Variants in DHRSX observed in about 807,000 individuals in gnomAD.
The protein encoded by DHRSX is dehydrogenase/reductase X-linked, also known as polyprenol dehydrogenase.
Under a neutral mutation model 34.0 loss-of-function variants are expected in DHRSX, and 31 were observed. The ratio of observed to expected loss-of-function variants is 0.91; its 90% confidence interval spans 0.69 to 1.23. The LOEUF (loss-of-function observed/expected upper bound fraction) is 1.23. Ranked by LOEUF, DHRSX falls within the 50% of genes most tolerant of loss-of-function variation. The pLI is 0.00. For synonymous variants in DHRSX, 201 were observed against 183.8 expected, an observed-to-expected ratio of 1.09 and a Z score of -0.76; for missense variants, 414 against 428.1, an observed-to-expected ratio of 0.97 and a Z score of 0.29.
chrX:2,445,017 C>G (rs1416361549), intron 1 of DHRSX, among the ~76,000 whole-genome samples: 1 of 151,882 alleles, frequency 6.6e-6, no homozygotes, highest in Non-Finnish European at 1.5e-5. Context: ...ATTAGCTGGG[C>G]CTGGTGGCGG....
At chrX:2,329,120 C>T (rs940201659) in intron 3 of DHRSX, among the ~76,000 whole-genome samples, 7 of 152,286 alleles carry the variant, frequency 4.6e-5, no homozygotes, top group Admixed American at 1.3e-4. Flanking sequence ...TGCACTTGTA[C>T]TCCCAGGTAT....
At chrX:2,381,324 T>C (rs2043199889) in intron 3 of DHRSX, among the ~76,000 whole-genome samples, 1 of 152,096 alleles carries the variant, frequency 6.6e-6, no homozygotes, top group Non-Finnish European at 1.5e-5. Flanking sequence ...TGCCACGTGA[T>C]GACAAGAGTG....
At chrX:2,448,338 T>C (rs1258702410) in intron 1 of DHRSX, among the ~76,000 whole-genome samples, 1 of 152,034 alleles carries the variant, frequency 6.6e-6, no homozygotes, top group Non-Finnish European at 1.5e-5. Context: ...CTCAAAAAAA[T>C]ATAAATTACA....
At chrX:2,357,179 G>T (rs1030709489) in intron 3 of DHRSX, among the ~76,000 whole-genome samples, 1 of 152,116 alleles carries the variant, frequency 6.6e-6, no homozygotes, top group Non-Finnish European at 1.5e-5. Flanking sequence ...AGGAGGCGGA[G>T]ATTGCAGTGA....
intron 1 of DHRSX, among the ~76,000 whole-genome samples, chrX:2,478,840 C>A (rs984440824): frequency 6.6e-6 from 1 of 151,248 alleles, no homozygotes; most frequent in African/African-American, 2.4e-5. Flanking sequence ...GAAGACGCTC[C>A]CTAAGAATGT....
intron 3 of DHRSX, among the ~76,000 whole-genome samples, chrX:2,350,772 T>C (rs2042779764): frequency 6.6e-6 from 1 of 152,094 alleles, no homozygotes; most frequent in African/African-American, 2.4e-5. Flanking sequence ...AAATAAAAAT[T>C]TCAACACGTA....
chrX:2,333,211 C>A, intron 3 of DHRSX, among the ~76,000 whole-genome samples: 1 of 152,214 alleles, frequency 6.6e-6, no homozygotes, highest in South Asian at 2.1e-4. Flanking sequence ...AACTTTAACA[C>A]CTTTTAATTT....
At chrX:2,410,115 C>T (rs2043607278) in intron 2 of DHRSX, among the ~76,000 whole-genome samples, 1 of 152,058 alleles carries the variant, frequency 6.6e-6, no homozygotes, top group African/African-American at 2.4e-5. Context: ...TTTCAAATGT[C>T]TTTGACCCGG....
intron 3 of DHRSX, among the ~76,000 whole-genome samples, chrX:2,370,839 C>G (rs759843188): frequency 1.7e-3 from 257 of 152,282 alleles, no homozygotes; most frequent in African/African-American, 5.9e-3. Context: ...GTCAGAGGAT[C>G]AAGCAACGCT....
chrX:2,260,916 A>C (rs2041355198), intron 5 of DHRSX, among the ~76,000 whole-genome samples: 1 of 151,828 alleles, frequency 6.6e-6, no homozygotes, highest in Non-Finnish European at 1.5e-5. Flanking sequence ...TCTTCAGATA[A>C]GAGTTAATGG....
chrX:2,284,656 C>G (rs1038335565), intron 4 of DHRSX, among the ~76,000 whole-genome samples: 1 of 152,182 alleles, frequency 6.6e-6, no homozygotes, highest in East Asian at 1.9e-4. Flanking sequence ...TATTAAAAAT[C>G]TATCAATTTT....
At chrX:2,474,030 G>A (rs1462918069) in intron 1 of DHRSX, among the ~76,000 whole-genome samples, 1 of 151,866 alleles carries the variant, frequency 6.6e-6, no homozygotes, top group Non-Finnish European at 1.5e-5. Flanking sequence ...GGCTGGCTGC[G>A]TCTCTCACTG....
At chrX:2,240,122 G>A (rs1200757575) in intron 6 of DHRSX, among the ~76,000 whole-genome samples, 1 of 151,990 alleles carries the variant, frequency 6.6e-6, no homozygotes, top group East Asian at 1.9e-4. Flanking sequence ...ATGAAACCCC[G>A]TCCCTACTAA....
intron 3 of DHRSX, among the ~76,000 whole-genome samples, chrX:2,330,202 A>G (rs2042447562): frequency 1.4e-5 from 2 of 142,538 alleles, no homozygotes; most frequent in African/African-American, 5.1e-5. Flanking sequence ...GAGGAGGGGG[A>G]AGAGGAGGTG....
intron 1 of DHRSX, among the ~76,000 whole-genome samples, chrX:2,433,784 T>C (rs2043957876): frequency 6.6e-6 from 1 of 152,178 alleles, no homozygotes; most frequent in Non-Finnish European, 1.5e-5. Context: ...TTCTAACCTT[T>C]TCTTTTTTGA....
chrX:2,403,229 C>T (rs2043509799), intron 3 of DHRSX, among the ~76,000 whole-genome samples: 1 of 152,054 alleles, frequency 6.6e-6, no homozygotes, highest in African/African-American at 2.4e-5. Context: ...TGACTGTAGT[C>T]ACCCTTTTGT....
chrX:2,288,126 TAAAAA>T (rs111835918), intron 4 of DHRSX, among the ~76,000 whole-genome samples: 1 of 148,548 alleles, frequency 6.7e-6, no homozygotes, highest in Non-Finnish European at 1.5e-5. Flanking sequence ...GTGAAGGAGA[TAAAAA>T]AAAAGAGAAG....
chrX:2,406,019 T>G (rs2043550466), intron 3 of DHRSX, among the ~76,000 whole-genome samples: 5 of 151,472 alleles, frequency 3.3e-5, no homozygotes, highest in Admixed American at 1.3e-4. Flanking sequence ...GTCGGCCGGG[T>G]GCAGTGGCTC....
chrX:2,494,831 T>C (rs1038165065), intron 1 of DHRSX, among the ~76,000 whole-genome samples: 52 of 151,962 alleles, frequency 3.4e-4, no homozygotes, highest in African/African-American at 1.3e-3. Flanking sequence ...ATTATCATTA[T>C]AATTATTATT....
Sources: gnomAD v4.1 joint callset for allele counts (sites outside exome capture counted in the v4.1 genomes callset) on GRCh38, gnomAD v4.1.1 for gene constraint, MANE v1.5 for transcripts, NCBI Gene and HGNC (gene_info 2026-07-23, HGNC 2026-07-21) for gene names.